The following ATP6V1B1 variants were observed in gnomAD, a reference collection of about 807,000 sequenced individuals.
ATP6V1B1 encodes ATPase H+ transporting V1 subunit B1, also known as V-type proton ATPase subunit B, kidney isoform.
Under a neutral mutation model 62.1 loss-of-function variants are expected in ATP6V1B1, and 41 were observed. The observed-to-expected ratio is 0.66, with a 90% confidence interval of 0.51 to 0.86. ATP6V1B1 has a LOEUF of 0.86. ATP6V1B1 is among the 40% of genes least tolerant of loss of function. The pLI is 0.00. For missense variants in ATP6V1B1, 651 were observed against 697.5 expected, an observed-to-expected ratio of 0.93 and a Z score of 0.75; for synonymous variants, 253 against 273.4, an observed-to-expected ratio of 0.93 and a Z score of 0.74.
At chr2:70,958,580 T>C (rs1680501878) in intron 4 of ATP6V1B1, among the ~76,000 whole-genome samples, 154 bp downstream of exon 4, 1 of 152,182 alleles carries the variant, frequency 6.6e-6, no homozygotes, top group South Asian at 2.1e-4. Context: ...ATGTCTTCTC[T>C]CTGATTCCTG....
intron 2 of ATP6V1B1, among the ~76,000 whole-genome samples, chr2:70,951,358 GATACA>G (rs1441133507): frequency 6.6e-6 from 1 of 152,054 alleles, no homozygotes; most frequent in Non-Finnish European, 1.5e-5. Flanking sequence ...AATTTATACT[GATACA>G]ATACTTTAAT....
At position 70,965,238 on chromosome 2, in the gene ATP6V1B1, C is replaced by G. The variant is rs960333247; in HGVS notation, c.*117C>G. The G allele has an allele frequency of 4.1e-6, 6 of 1,449,514 alleles. 1 individual carries two copies. The South Asian group carries it at 7.2e-5, about 17-fold the overall frequency. The allele number at this position is 1,449,514 out of a possible 1,614,324, so 89.8% of individuals were successfully genotyped here. ...CGCCGCCCTCCGCCCTCCGCTGGCTCCGAGGTGGTGGGGGCGCCGCACGCT... is the reference window on the plus strand; with the variant it reads ...CGCCGCCCTCCGCCCTCCGCTGGCTGCGAGGTGGTGGGGGCGCCGCACGCT... On this transcript the variant is annotated 3_prime_UTR_variant, in exon 14 of 14. Coordinates refer to ENST00000234396, the MANE Select transcript of ATP6V1B1 (RefSeq NM_001692.4).
At chr2:70,938,831 A>C (rs1553415957) in intron 1 of ATP6V1B1, 13 of 979,868 alleles carry the variant, frequency 1.3e-5, no homozygotes, top group African/African-American at 1.8e-5. Flanking sequence ...GTCAGGAAGG[A>C]CAAGCTGGCA....
intron 1 of ATP6V1B1, among the ~76,000 whole-genome samples, chr2:70,942,709 T>C (rs1680034319): frequency 6.6e-6 from 1 of 152,158 alleles, no homozygotes; most frequent in Non-Finnish European, 1.5e-5. Context: ...AAAGAGGGGT[T>C]GGGCCACTCC....
rs1381443275 is a variant in ATP6V1B1, at chr2:70,964,999, G to C, written c.1420G>C (p.Gly474Arg). The change falls in exon 14 of 14, where the codon GGC becomes CGC. Residue 474 changes from glycine to arginine, a missense_variant. By Grantham distance (125) the Gly-to-Arg change is moderately radical. Coordinates refer to ENST00000234396, the MANE Select transcript of ATP6V1B1 (RefSeq NM_001692.4). ...CTCGGTGTTCGAGTCGCTGGACCTG[G>C]GCTGGAAGCTGCTGCGCATCTTCCC... Reference protein sequence around the residue: ...NRSVFESLDLGWKLLRIFPKE... With the variant: ...NRSVFESLDLRWKLLRIFPKE... 6.2e-7 allele frequency: 1 copy of C among 1,613,782 alleles called. No individual in the cohort carries two copies. Among genetic ancestry groups the C allele is most frequent in the African/African-American group, 1.3e-5 (1 of 74,920 alleles).
rs1553420814 is a variant in ATP6V1B1 at position 70,964,993 on chromosome 2, G to A, written c.1414G>A (p.Asp472Asn). The change falls in exon 14 of 14, where the codon GAC becomes AAC. Residue 472 changes from aspartate to asparagine, a missense_variant. Coordinates refer to ENST00000234396, the MANE Select transcript of ATP6V1B1 (RefSeq NM_001692.4). ...GAACCGCTCGGTGTTCGAGTCGCTGGACCTGGGCTGGAAGCTGCTGCGCAT... is the reference window on the plus strand; with the variant it reads ...GAACCGCTCGGTGTTCGAGTCGCTGAACCTGGGCTGGAAGCTGCTGCGCAT... Reference protein sequence around the residue: ...YENRSVFESLDLGWKLLRIFP... With the variant: ...YENRSVFESLNLGWKLLRIFP... 3 of 1,613,904 alleles carry A rather than the reference G, an allele frequency of 1.9e-6. No homozygotes were observed. In the South Asian group the frequency reaches 3.3e-5, roughly 18 times the overall value.
rs79758418 is a variant in ATP6V1B1 at position 70,946,007 on chromosome 2, A to C, written c.174+2294A>C. Among the ~76,000 whole-genome samples, 648 of 151,590 alleles carry C rather than the reference A, an allele frequency of 4.3e-3. 1 individual carries two copies. The highest frequency in any genetic ancestry group is 0.015 in the African/African-American group (600 of 41,320). ...ATGTATCTCCTCCCTACCCTTCCCC[A>C]CACACACCGTGCCCTGCTATTGGCC... On this transcript the variant is annotated intron_variant, in intron 2 of 13. Transcript: ENST00000234396.
chr2:70,940,294 A>G (rs1679960903), intron 1 of ATP6V1B1: 1 of 852,316 alleles, frequency 1.2e-6, no homozygotes, highest in Non-Finnish European at 1.4e-6. Flanking sequence ...GGAATTAGAA[A>G]TGATTCCCTG....
chr2:70,938,747 G>A, intron 1 of ATP6V1B1: 1 of 985,400 alleles, frequency 1.0e-6, no homozygotes, highest in Non-Finnish European at 1.2e-6. Context: ...CTGGGGAGGA[G>A]GTATCCTGGA....
Position 70,959,178 on chromosome 2 carries a change from A to G in ATP6V1B1, c.445+83A>G, listed in dbSNP as rs1553419584. On this transcript the variant is annotated intron_variant, in intron 5 of 13. Coordinates refer to ENST00000234396, the MANE Select transcript of ATP6V1B1 (RefSeq NM_001692.4). The surrounding 1 kb of genome is among the most constrained non-coding windows in gnomAD (Gnocchi z 4.2). ...CTTGGAAGTTCTGCCCAGACTCACA[A>G]GCAGATCAGATGTGATGGGAGAGCA... is the stretch of plus-strand genomic sequence containing the variant. 1.4e-6 allele frequency: 2 copies of G among 1,459,272 alleles called. No individual in the cohort carries two copies. The highest frequency in any genetic ancestry group is 2.3e-5 in the East Asian group (1 of 43,912). The allele number at this position is 1,459,272 out of a possible 1,614,324, so 90.4% of individuals were successfully genotyped here.
intron 2 of ATP6V1B1, among the ~76,000 whole-genome samples, chr2:70,954,091 G>A (rs1324584021): frequency 6.6e-6 from 1 of 151,954 alleles, no homozygotes; most frequent in Non-Finnish European, 1.5e-5. Context: ...GGCTTTGTTG[G>A]TCTTCTCTAT....
chr2:70,936,821 T>C (rs1432567576), intron 1 of ATP6V1B1, among the ~76,000 whole-genome samples: 4 of 152,150 alleles, frequency 2.6e-5, no homozygotes, highest in African/African-American at 9.7e-5. Flanking sequence ...GGGATAAGAA[T>C]GCGTATCCAG....
chr2:70,940,655 G>A (rs1216010292), intron 1 of ATP6V1B1: 15 of 985,284 alleles, frequency 1.5e-5, no homozygotes, highest in Non-Finnish European at 1.7e-5. Flanking sequence ...ATGCCCAACA[G>A]CCCCTTAGCC....
chr2:70,957,273 C>T (rs1680462569), intron 2 of ATP6V1B1, among the ~76,000 whole-genome samples: 2 of 141,226 alleles, frequency 1.4e-5, no homozygotes, highest in African/African-American at 2.7e-5. Context: ...ATATATATAG[C>T]ATTTTCAGTA....
chr2:70,945,719 T>TAC (rs1680149897), intron 2 of ATP6V1B1, among the ~76,000 whole-genome samples: 1 of 131,792 alleles, frequency 7.6e-6, no homozygotes, highest in Admixed American at 7.5e-5. Context: ...TATATATATA[T>TAC]ATATATATAT....
At chr2:70,941,952 G>A in intron 1 of ATP6V1B1, 4 of 1,002,146 alleles carry the variant, frequency 4.0e-6, no homozygotes, top group Non-Finnish European at 3.6e-6. Flanking sequence ...AGGGTGGAAG[G>A]TGGGGAAGGA....
intron 2 of ATP6V1B1, among the ~76,000 whole-genome samples, chr2:70,957,157 G>A (rs1467285411): frequency 2.0e-5 from 3 of 147,734 alleles, no homozygotes; most frequent in African/African-American, 7.6e-5. Flanking sequence ...CGTGATGTCG[G>A]CTCACTGCAA....
At position 70,943,642 on chromosome 2, in the gene ATP6V1B1, C is replaced by G; in HGVS notation, c.119-16C>G. 1 of 1,613,352 alleles carries G rather than the reference C, an allele frequency of 6.2e-7. No individual in the cohort carries two copies. The highest frequency in any genetic ancestry group is 1.1e-5 in the South Asian group (1 of 91,044). On this transcript the variant is annotated splice_polypyrimidine_tract_variant and intron_variant, in intron 1 of 13. Coordinates refer to ENST00000234396, the MANE Select transcript of ATP6V1B1 (RefSeq NM_001692.4). ...GTTTGGGGTGAGACCCCTACTCACCCCCGCCCCTCCCCCAGCCTACAGGAC... is the reference window on the plus strand; with the variant it reads ...GTTTGGGGTGAGACCCCTACTCACCGCCGCCCCTCCCCCAGCCTACAGGAC...
Position 70,960,064 on chromosome 2 carries a change from C to A in ATP6V1B1, c.571C>A (p.Leu191Ile), listed in dbSNP as rs1680549322. The A allele has an allele frequency of 6.2e-7, 1 of 1,614,086 alleles. No homozygotes were observed. The highest frequency in any genetic ancestry group is 1.7e-5 in the Admixed American group (1 of 60,014). Residue 191 changes from leucine to isoleucine, a missense_variant, in exon 6 of 14, where the codon CTC (leucine) becomes ATC (isoleucine). Leu to Ile is a conservative substitution (Grantham distance 5). Coordinates refer to ENST00000234396, the MANE Select transcript of ATP6V1B1 (RefSeq NM_001692.4). Reference sequence around the variant, plus strand: ...GATCCCCATCTTCTCAGCAGCCGGGCTCCCCCACAATGAGGTGAGGCCTGC... The same window carrying A: ...GATCCCCATCTTCTCAGCAGCCGGGATCCCCCACAATGAGGTGAGGCCTGC... ...QKIPIFSAAG[L>I]PHNEIAAQIC... is the part of the protein sequence containing the mutation.
Sources: gnomAD v4.1 joint callset for allele counts (sites outside exome capture counted in the v4.1 genomes callset) on GRCh38, gnomAD v4.1.1 for gene constraint, Gnocchi (gnomAD v3.1) non-coding constraint, MANE v1.5 for transcripts, NCBI Gene and HGNC (gene_info 2026-07-23, HGNC 2026-07-21) for gene names.